Variants in AVEN observed in about 807,000 individuals in gnomAD.
AVEN encodes apoptosis and caspase activation inhibitor.
AVEN carries 41 observed loss-of-function variants against 38.1 expected under a neutral mutation model. The observed-to-expected ratio is 1.08, with a 90% CI of 0.84 to 1.40. The LOEUF (loss-of-function observed/expected upper bound fraction) is 1.40, where lower values mean the gene tolerates loss of function less well. AVEN is among the 40% of genes most tolerant of loss of function. The probability of loss-of-function intolerance (pLI) is 0.00; values close to 1 mark genes in which losing one functional copy is unlikely to be tolerated. For synonymous variants in AVEN, 206 were observed against 171.8 expected (o/e 1.20, Z -1.56); for missense variants, 605 against 438.8 (o/e 1.38, Z -3.38).
chr15:33,934,032 T>C (rs1056399406), intron 2 of AVEN, among the ~76,000 whole-genome samples: 2 of 152,192 alleles, frequency 1.3e-5, no homozygotes, highest in African/African-American at 4.8e-5. Flanking sequence ...TCTGTTCTCA[T>C]TGCTGAGGCT....
chr15:34,057,898 T>C (rs761950562), intron 5 of AVEN, among the ~76,000 whole-genome samples: 15 of 152,256 alleles, frequency 9.9e-5, no homozygotes, highest in Non-Finnish European at 1.9e-4. Context: ...ATGTTACCAC[T>C]GTAAATTATT....
intron 2 of AVEN, among the ~76,000 whole-genome samples, chr15:33,986,073 A>C (rs1027853501): frequency 2.7e-5 from 4 of 149,562 alleles, no homozygotes; most frequent in African/African-American, 9.8e-5. Flanking sequence ...ATTTGTGAAA[A>C]CCTCACATTT....
chr15:33,938,911 G>A lies in AVEN; in HGVS notation c.446-62916C>T, dbSNP rs141569362. Among the ~76,000 whole-genome samples the A allele has an allele frequency of 1.4e-3, 217 of 151,720 alleles. 1 individual carries two copies. Among genetic ancestry groups the A allele is most frequent in the African/African-American group, 5.0e-3 (207 of 41,164 alleles). Reference sequence around the variant, plus strand: ...GGCTGGAATGCAATGGCGCCATCTCGGCTCACTGCAACCTCTGCCTTCTGA... The same window carrying A: ...GGCTGGAATGCAATGGCGCCATCTCAGCTCACTGCAACCTCTGCCTTCTGA... On this transcript the variant is annotated intron_variant, in intron 2 of 5. Transcript: ENST00000306730.
At chr15:33,865,231 G>A, downstream of AVEN, 2 of 1,603,866 alleles carry the variant, frequency 1.2e-6, no homozygotes, top group Non-Finnish European at 1.7e-6. Flanking sequence ...GGATAAATCT[G>A]AATCAAAGAA....
rs1389433600 is a variant in AVEN, at chr15:33,875,960, T to C, written c.481A>G (p.Lys161Glu). Residue 161 changes from lysine (K) to glutamate (E), a missense_variant, in exon 3 of 6, where the codon AAA becomes GAA. Lys to Glu is a moderately conservative substitution (Grantham distance 56). Transcript: ENST00000306730. ...CAAGAAGCTTCACTATCCCATTCTT[T>C]CTCCTCAGCAAACCGGAACTGTGAG... ...SFSQFRFAEEKEWDSEASCPK... is the reference protein window; with the variant it reads ...SFSQFRFAEEEEWDSEASCPK... 6.2e-7 allele frequency: 1 copy of C among 1,613,464 alleles called. No individual in the cohort carries two copies. The highest frequency in any genetic ancestry group is 8.5e-7 in the Non-Finnish European group (1 of 1,179,952).
At chr15:33,867,239 C>T (rs1274636031) in intron 5 of AVEN, among the ~76,000 whole-genome samples, 2 of 152,176 alleles carry the variant, frequency 1.3e-5, no homozygotes, top group Non-Finnish European at 2.9e-5. Flanking sequence ...AGCGGAAATT[C>T]CATTTGCAGC....
intron 11 of AVEN, chr15:33,860,678 C>G (rs767713648): frequency 1.3e-6 from 2 of 1,512,018 alleles, no homozygotes; most frequent in Non-Finnish European, 1.8e-6. Context: ...ACTCTAACTA[C>G]TAATCCCAGC....
chr15:33,986,574 T>G (rs1273910946), intron 2 of AVEN, among the ~76,000 whole-genome samples: 2 of 152,162 alleles, frequency 1.3e-5, no homozygotes, highest in Non-Finnish European at 2.9e-5. Context: ...AAACCAGCAG[T>G]AATATTATTA....
intron 3 of AVEN, among the ~76,000 whole-genome samples, chr15:33,872,603 G>A (rs758228070): frequency 1.3e-5 from 2 of 152,136 alleles, no homozygotes; most frequent in East Asian, 3.9e-4. Context: ...AGGAACGGCC[G>A]CATATCACTC....
At chr15:33,983,493 G>A (rs1001458718) in intron 2 of AVEN, among the ~76,000 whole-genome samples, 6 of 151,752 alleles carry the variant, frequency 4.0e-5, no homozygotes, top group African/African-American at 1.5e-4. Context: ...AAATAAAAAG[G>A]GCAAGTATTT....
At chr15:33,855,455 C>T (rs1234668232), downstream of AVEN, among the ~76,000 whole-genome samples, 4 of 152,228 alleles carry the variant, frequency 2.6e-5, no homozygotes, top group Non-Finnish European at 5.9e-5. Context: ...CCACCCGCCT[C>T]GGCCTCCCGA....
chr15:34,008,375 G>A (rs908993385), intron 1 of AVEN, among the ~76,000 whole-genome samples: 1 of 151,088 alleles, frequency 6.6e-6, no homozygotes, highest in East Asian at 2.0e-4. Context: ...AGCTGTGATT[G>A]TGCCACTGCA....
intron 3 of AVEN, among the ~76,000 whole-genome samples, chr15:33,874,185 TTTTTA>T (rs566766448): frequency 4.0e-4 from 61 of 152,358 alleles, no homozygotes; most frequent in African/African-American, 1.3e-3. Context: ...ACTCAAGGGC[TTTTTA>T]TTTATTATCT....
intron 2 of AVEN, among the ~76,000 whole-genome samples, chr15:33,910,782 G>A (rs1892887746): frequency 6.6e-6 from 1 of 152,168 alleles, no homozygotes; most frequent in Non-Finnish European, 1.5e-5. Flanking sequence ...GGAGTTTCCT[G>A]AGTCTAGCCA....
intron 5 of AVEN, among the ~76,000 whole-genome samples, chr15:34,045,110 T>A (rs1899637748): frequency 1.3e-5 from 2 of 152,176 alleles, no homozygotes; most frequent in Non-Finnish European, 2.9e-5. Context: ...GACCTCTCTG[T>A]CACCTGAATT....
chr15:33,921,458 A>G (rs974666845), intron 2 of AVEN, among the ~76,000 whole-genome samples: 1 of 152,174 alleles, frequency 6.6e-6, no homozygotes. Context: ...CATTCCTGGA[A>G]GAAGGAACTT....
chr15:34,005,835 TATC>T (rs1489359389), intron 1 of AVEN, among the ~76,000 whole-genome samples: 4 of 152,180 alleles, frequency 2.6e-5, no homozygotes, highest in East Asian at 3.9e-4. Flanking sequence ...AGCCCACAAA[TATC>T]ATCATAAGCC....
chr15:33,902,738 A>C (rs938737821), intron 2 of AVEN, among the ~76,000 whole-genome samples: 1 of 152,236 alleles, frequency 6.6e-6, no homozygotes, highest in African/African-American at 2.4e-5. Context: ...AACACACAAA[A>C]ATCAGTGCAT....
At chr15:33,941,005 A>G (rs1050345517) in intron 2 of AVEN, among the ~76,000 whole-genome samples, 49 of 152,218 alleles carry the variant, frequency 3.2e-4, no homozygotes, top group Non-Finnish European at 1.0e-4. Flanking sequence ...CGAAGAAAAA[A>G]GAATTCTACA....
Sources: gnomAD v4.1 joint callset for allele counts (sites outside exome capture counted in the v4.1 genomes callset) on GRCh38, gnomAD v4.1.1 for gene constraint, MANE v1.5 for transcripts, NCBI Gene and HGNC (gene_info 2026-07-23, HGNC 2026-07-21) for gene names.